MEGF10: variants seen among roughly 807,000 people sequenced by gnomAD.
MEGF10 encodes the protein multiple EGF like domains 10.
Under a neutral mutation model 147.5 loss-of-function variants are expected in MEGF10, and 86 were observed. The ratio of observed to expected loss-of-function variants is 0.58; its 90% CI spans 0.49 to 0.70. The LOEUF (loss-of-function observed/expected upper bound fraction) is 0.70, where lower values mean the gene tolerates loss of function less well. MEGF10 is among the 30% of genes least tolerant of loss of function. The pLI is 0.00. For missense variants in MEGF10, 1,329 were observed against 1,487.3 expected, an observed-to-expected ratio of 0.89 and a Z score of 1.75; for synonymous variants, 478 against 525.5, an observed-to-expected ratio of 0.91 and a Z score of 1.24.
At chr5:127,441,879 A>G (rs1765769228) in intron 18 of MEGF10, among the ~76,000 whole-genome samples, 1 of 152,192 alleles carries the variant, frequency 6.6e-6, no homozygotes, top group South Asian at 2.1e-4. Flanking sequence ...GCTAAACCCT[A>G]GGGTATTTTT....
intron 5 of MEGF10, among the ~76,000 whole-genome samples, chr5:127,380,473 G>A (rs1763207942): frequency 2.6e-5 from 4 of 151,888 alleles, no homozygotes; most frequent in African/African-American, 7.2e-5. Flanking sequence ...GCTTCAGGAC[G>A]CACCTTGGCT....
rs1763918319 is a variant in MEGF10 at position 127,396,523 on chromosome 5, C to T, written c.413-9C>T. The T allele has an allele frequency of 2.0e-6, 3 of 1,522,410 alleles. No homozygotes were observed. The South Asian group carries it at 3.9e-5, about 20-fold the overall frequency. The allele number at this position is 1,522,410 out of a possible 1,614,324, so 94.3% of individuals were successfully genotyped here. A position where few individuals can be genotyped will look rare whatever the true frequency, so the allele number is the denominator to read the frequency against. ...CACTGATATCCACTGTTTCTCTCCT[C>T]AATCTCAGCCTGCGATGGTGATCAC... is the stretch of plus-strand genomic sequence containing the variant. On this transcript the variant is annotated splice_polypyrimidine_tract_variant and intron_variant, in intron 5 of 24. Coordinates refer to ENST00000503335, the MANE Select transcript of MEGF10 (RefSeq NM_001256545.2).
At chr5:127,433,536 C>T in intron 14 of MEGF10, 27 bp downstream of exon 14, 1 of 1,568,534 alleles carries the variant, frequency 6.4e-7, no homozygotes, top group Non-Finnish European at 8.6e-7. Flanking sequence ...GCAGTAATTT[C>T]CACCTTCCCT....
At chr5:127,268,157 G>A in the MEGF10 span, among the ~76,000 whole-genome samples, 2 of 152,248 alleles carry the variant, frequency 1.3e-5, no homozygotes, top group Middle Eastern at 3.4e-3. Flanking sequence ...ATCTATTTCT[G>A]CCTTCATTTC....
At position 127,410,581 on chromosome 5, in the gene MEGF10, C is replaced by T; in HGVS notation, c.1110C>T (p.Cys370=). The T allele has an allele frequency of 6.2e-7, 1 of 1,609,172 alleles. No individual in the cohort carries two copies. Residue 370 remains cysteine, a synonymous_variant, in exon 9 of 25, where the codon TGC becomes TGT. Coordinates refer to ENST00000503335, the MANE Select transcript of MEGF10 (RefSeq NM_001256545.2). ...YGIKCDKRCP[C]HLENTHSCHP... ...TCAAATGTGACAAACGGTGTCCCTG[C>T]CACCTGGAAAACACTCATAGGTGAG...
At chr5:127,283,609 G>T in the MEGF10 span, among the ~76,000 whole-genome samples, 2 of 152,148 alleles carry the variant, frequency 1.3e-5, no homozygotes, top group East Asian at 1.9e-4. Context: ...ATAGAACTTT[G>T]CTTCTCAAAG....
chr5:127,334,556 A>G (rs1761391834), intron 2 of MEGF10, among the ~76,000 whole-genome samples: 1 of 152,176 alleles, frequency 6.6e-6, no homozygotes, highest in African/African-American at 2.4e-5. Context: ...AGCGATTGTG[A>G]TTCTAAGAAA....
Position 127,345,650 on chromosome 5 carries a change from A to G in MEGF10, c.319+5020A>G, listed in dbSNP as rs565082524. Reference sequence around the variant, plus strand: ...CCTTTAAGATTAATATTCTTGCCTGATCTGTGGTAAGAATTTAGACATGTT... The same window carrying G: ...CCTTTAAGATTAATATTCTTGCCTGGTCTGTGGTAAGAATTTAGACATGTT... On this transcript the variant is annotated intron_variant, in intron 4 of 24. Transcript: ENST00000503335. Among the ~76,000 whole-genome samples, 26 of 152,190 alleles carry G rather than the reference A, an allele frequency of 1.7e-4. No individual in the cohort carries two copies. The South Asian group carries it at 4.8e-3, about 28-fold the overall frequency.
At chr5:127,250,475 CAAT>C in the MEGF10 span, among the ~76,000 whole-genome samples, 1 of 151,796 alleles carries the variant, frequency 6.6e-6, no homozygotes, top group African/African-American at 2.4e-5. Flanking sequence ...AACAAGTAAA[CAAT>C]AAGTGTTGGT....
intron 22 of MEGF10, among the ~76,000 whole-genome samples, chr5:127,449,983 A>T (rs867624188): frequency 3.9e-4 from 60 of 152,216 alleles, no homozygotes; most frequent in Middle Eastern, 6.8e-3. Flanking sequence ...TGTTTTTATT[A>T]AAAAAAACTA....
At chr5:127,357,654 A>G (rs955771285) in intron 4 of MEGF10, among the ~76,000 whole-genome samples, 11 of 151,624 alleles carry the variant, frequency 7.3e-5, no homozygotes, top group African/African-American at 2.7e-4. Flanking sequence ...GAGAAAGAAA[A>G]AAAAAAGTGA....
chr5:127,325,565 G>C (rs1243595083), intron 1 of MEGF10, among the ~76,000 whole-genome samples: 5 of 152,016 alleles, frequency 3.3e-5, no homozygotes, highest in Non-Finnish European at 5.9e-5. Flanking sequence ...TCCCATAGCA[G>C]CTTATTCTGG....
At chr5:127,361,896 A>G (rs1314860927) in intron 4 of MEGF10, among the ~76,000 whole-genome samples, 3 of 152,158 alleles carry the variant, frequency 2.0e-5, no homozygotes, top group African/African-American at 7.2e-5. Flanking sequence ...ACTGCTTTGC[A>G]TGCGTTGAAT....
At chr5:127,449,278 C>G in intron 22 of MEGF10, 56 bp downstream of exon 22, 1 of 1,598,712 alleles carries the variant, frequency 6.3e-7, no homozygotes. Context: ...GTCCCTGAAA[C>G]AGTCACGGAT....
chr5:127,323,274 G>C (rs1359800465), intron 1 of MEGF10, among the ~76,000 whole-genome samples: 3 of 152,316 alleles, frequency 2.0e-5, no homozygotes, highest in African/African-American at 7.2e-5. Context: ...CACAGCACAT[G>C]ATGAACTCTC....
At chr5:127,408,785 G>A (rs989964041) in intron 8 of MEGF10, among the ~76,000 whole-genome samples, 4 of 152,128 alleles carry the variant, frequency 2.6e-5, no homozygotes, top group Admixed American at 6.5e-5. Flanking sequence ...AACCAGAAAA[G>A]CATCGAAAGG....
At chr5:127,287,466 A>C (rs1759063579), upstream of MEGF10, among the ~76,000 whole-genome samples, 1 of 152,042 alleles carries the variant, frequency 6.6e-6, no homozygotes, top group South Asian at 2.1e-4. Flanking sequence ...GGAAACAAGA[A>C]CTCAAAAATA....
the MEGF10 span, among the ~76,000 whole-genome samples, chr5:127,284,890 T>C: frequency 6.6e-6 from 1 of 152,164 alleles, no homozygotes. Context: ...TCTTGTTTGC[T>C]AAGAGGTAGA....
intron 4 of MEGF10, among the ~76,000 whole-genome samples, chr5:127,368,636 T>C (rs1762739332): frequency 1.3e-5 from 2 of 152,174 alleles, no homozygotes; most frequent in Admixed American, 1.3e-4. Flanking sequence ...TGCTTTTGCT[T>C]TCTCTTCACC....
Sources: allele counts gnomAD v4.1 joint callset (sites outside exome capture counted in the v4.1 genomes callset), GRCh38; gene constraint gnomAD v4.1.1; transcripts MANE v1.5; gene names NCBI Gene and HGNC (gene_info 2026-07-23, HGNC 2026-07-21).